The following STXBP5L variants were observed in gnomAD, a reference collection of about 807,000 sequenced individuals.
The protein encoded by STXBP5L is syntaxin binding protein 5L.
A neutral mutation model predicts 144.5 loss-of-function variants in STXBP5L; 65 were observed. The observed-to-expected ratio is 0.45, with a 90% confidence interval of 0.37 to 0.55. The LOEUF (loss-of-function observed/expected upper bound fraction) is 0.55. Ranked by LOEUF, STXBP5L falls within the 20% of genes least tolerant of loss-of-function variation. The pLI is 0.00. For synonymous variants in STXBP5L, 505 were observed against 469.6 expected (o/e 1.08, Z -0.97); for missense variants, 1,298 against 1,405.5 (o/e 0.92, Z 1.22).
chr3:121,043,735 A>G (rs1474140920), intron 4 of STXBP5L, among the ~76,000 whole-genome samples: 2 of 152,124 alleles, frequency 1.3e-5, no homozygotes, highest in Non-Finnish European at 2.9e-5. Flanking sequence ...CAAAAAAAGA[A>G]TACTGAGTTC....
At chr3:121,033,720 ATAAG>A (rs907668414) in intron 3 of STXBP5L, among the ~76,000 whole-genome samples, 7 of 151,928 alleles carry the variant, frequency 4.6e-5, no homozygotes, top group African/African-American at 1.4e-4. Context: ...ATATATTCTT[ATAAG>A]TAAGAACTTT....
chr3:120,931,786 A>G (rs781474185), intron 2 of STXBP5L, among the ~76,000 whole-genome samples: 5 of 152,184 alleles, frequency 3.3e-5, no homozygotes, highest in Non-Finnish European at 7.4e-5. Context: ...AATCTCTGCA[A>G]TCATCAGCCC....
At chr3:121,260,531 CT>C (rs564462425) in intron 18 of STXBP5L, among the ~76,000 whole-genome samples, 115 of 151,876 alleles carry the variant, frequency 7.6e-4, no homozygotes, top group African/African-American at 2.5e-3. Context: ...CTCTAATATG[CT>C]TTTTTTCTTT....
intron 13 of STXBP5L, 69 bp from the exon 14 acceptor site, chr3:121,240,371 G>A: frequency 7.2e-7 from 1 of 1,389,138 alleles, no homozygotes; most frequent in Non-Finnish European, 1.0e-6. Flanking sequence ...ATTATTTTAA[G>A]CTATTTTCAT....
intron 3 of STXBP5L, among the ~76,000 whole-genome samples, chr3:120,961,824 T>A (rs1938865358): frequency 6.6e-6 from 1 of 152,354 alleles, no homozygotes; most frequent in African/African-American, 2.4e-5. Flanking sequence ...GTACTTGTAG[T>A]TCTAGATCCT....
At chr3:121,167,582 CCCT>C (rs1259557751) in intron 9 of STXBP5L, among the ~76,000 whole-genome samples, 2 of 152,000 alleles carry the variant, frequency 1.3e-5, no homozygotes, top group African/African-American at 4.8e-5. Context: ...CTGGGTGGAG[CCCT>C]CCTTAACTCA....
intron 11 of STXBP5L, among the ~76,000 whole-genome samples, chr3:121,229,494 C>A (rs1054129006): frequency 5.3e-5 from 8 of 152,054 alleles, no homozygotes; most frequent in Admixed American, 2.6e-4. Flanking sequence ...AACACAAAAT[C>A]TTGATTTGCC....
intron 23 of STXBP5L, 88 bp from the exon 24 acceptor site, chr3:121,413,070 A>T: frequency 9.5e-7 from 1 of 1,051,974 alleles, no homozygotes. Context: ...ACAACCATAA[A>T]ATAATAGAAT....
chr3:121,379,249 A>G (rs2046269672), intron 21 of STXBP5L, among the ~76,000 whole-genome samples: 1 of 152,154 alleles, frequency 6.6e-6, no homozygotes, highest in Non-Finnish European at 1.5e-5. Context: ...TTGCAACCTT[A>G]ATTTCCTCAA....
intron 9 of STXBP5L, among the ~76,000 whole-genome samples, chr3:121,190,680 G>A (rs75165169): frequency 0.51 from 76,690 of 149,904 alleles, 20,213 homozygotes; most frequent in East Asian, 0.73. Context: ...GCTGGGCGGC[G>A]GCTGCCCCCC....
At chr3:121,053,288 A>G (rs1391383003) in intron 5 of STXBP5L, among the ~76,000 whole-genome samples, 1 of 152,220 alleles carries the variant, frequency 6.6e-6, no homozygotes, top group African/African-American at 2.4e-5. Flanking sequence ...TGCCAAGTCA[A>G]TCCTAAGCCA....
intron 9 of STXBP5L, among the ~76,000 whole-genome samples, chr3:121,173,976 A>G (rs1296581519): frequency 6.6e-6 from 1 of 152,024 alleles, no homozygotes; most frequent in Non-Finnish European, 1.5e-5. Flanking sequence ...AACCGGAGGG[A>G]TCACCTTTTA....
At chr3:121,351,245 G>A (rs2045268486) in intron 20 of STXBP5L, among the ~76,000 whole-genome samples, 1 of 152,120 alleles carries the variant, frequency 6.6e-6, no homozygotes, top group South Asian at 2.1e-4. Context: ...GTTTGCCTGG[G>A]TATCAGCAAC....
At chr3:121,333,802 C>A (rs2044409134) in intron 20 of STXBP5L, among the ~76,000 whole-genome samples, 1 of 152,148 alleles carries the variant, frequency 6.6e-6, no homozygotes, top group Non-Finnish European at 1.5e-5. Context: ...TGGACACAGA[C>A]ACCCTCCCAA....
At chr3:120,976,064 T>A (rs1940961998) in intron 3 of STXBP5L, among the ~76,000 whole-genome samples, 1 of 152,320 alleles carries the variant, frequency 6.6e-6, no homozygotes, top group African/African-American at 2.4e-5. Flanking sequence ...CCTCATAAAA[T>A]GAGTTAGGGA....
intron 3 of STXBP5L, among the ~76,000 whole-genome samples, chr3:120,978,905 G>T (rs548404397): frequency 5.3e-5 from 8 of 152,318 alleles, no homozygotes; most frequent in African/African-American, 1.9e-4. Context: ...TCCTCTGGAA[G>T]TTTTGTCTCA....
In STXBP5L at chr3:121,166,922, G is replaced by C. The variant is rs182738355; in HGVS notation, c.877+9295G>C. Among the ~76,000 whole-genome samples, 39 of 151,974 alleles carry C rather than the reference G, an allele frequency of 2.6e-4. No homozygotes were observed. The East Asian group carries it at 7.5e-3, about 29-fold the overall frequency. ...TGGAAATAAAGAACTAGAGAACTTG[G>C]GTAAATGATATAGAAGAGATTTTTT... On this transcript the variant is annotated intron_variant, in intron 9 of 26. Transcript: ENST00000471454.
At chr3:121,051,993 A>C (rs149334354) in intron 5 of STXBP5L, among the ~76,000 whole-genome samples, 2,941 of 152,308 alleles carry the variant, frequency 0.019, 90 homozygotes, top group African/African-American at 0.066. Flanking sequence ...GAAATGGATA[A>C]ATTCCTGGAC....
chr3:121,235,844 C>CACAT (rs761065383), intron 12 of STXBP5L, among the ~76,000 whole-genome samples: 5,238 of 139,734 alleles, frequency 0.037, 119 homozygotes, highest in Middle Eastern at 0.064. Flanking sequence ...CACACACATA[C>CACAT]ACACACACAC....
Sources: gnomAD v4.1 joint callset for allele counts (sites outside exome capture counted in the v4.1 genomes callset) on GRCh38, gnomAD v4.1.1 for gene constraint, MANE v1.5 for transcripts, NCBI Gene and HGNC (gene_info 2026-07-23, HGNC 2026-07-21) for gene names.